The following SEZ6L variants were observed in gnomAD, a reference collection of about 807,000 sequenced individuals.
The protein encoded by SEZ6L is seizure 6-like protein.
In SEZ6L, 37 loss-of-function variants were observed where a neutral mutation model predicts 106.2. The observed-to-expected ratio is 0.35, with a 90% CI of 0.27 to 0.46. The LOEUF (loss-of-function observed/expected upper bound fraction) is 0.46, where lower values mean the gene tolerates loss of function less well. Among genes scored for constraint, SEZ6L ranks in the 20% least tolerant of loss-of-function variants. SEZ6L has a pLI of 1.00. For missense variants in SEZ6L, 1,172 were observed against 1,332.8 expected (o/e 0.88, Z 1.88); for synonymous variants, 541 against 570.4 (o/e 0.95, Z 0.73).
intron 9 of SEZ6L, among the ~76,000 whole-genome samples, chr22:26,318,996 A>G (rs1247917083): frequency 1.3e-5 from 2 of 152,120 alleles, no homozygotes; most frequent in African/African-American, 4.8e-5. Flanking sequence ...TCCACGGTGT[A>G]AATACTCCCA....
At chr22:26,240,055 TACACACATACAGACAC>T (rs1458171595) in intron 1 of SEZ6L, among the ~76,000 whole-genome samples, 2 of 129,658 alleles carry the variant, frequency 1.5e-5, no homozygotes, top group African/African-American at 5.8e-5. Flanking sequence ...AACACACACA[TACACACATACAGACAC>T]ACACACACAC....
rs116875943 is a variant in SEZ6L at position 26,291,699 on chromosome 22, C to T, written c.95-707C>T. Among the ~76,000 whole-genome samples the T allele has an allele frequency of 1.2e-4, 18 of 152,320 alleles. No individual in the cohort carries two copies. In the East Asian group the frequency reaches 3.3e-3, roughly 28 times the overall value. The stretch of plus-strand genomic sequence containing the variant: ...GTGTGGCCTGGTGTCCATCCCCACT[C>T]ATCCTCTTAGCTGCATGTCTTTGTA... On this transcript the variant is annotated intron_variant, in intron 1 of 16. Transcript: ENST00000248933.
chr22:26,238,197 C>T (rs12166576), intron 1 of SEZ6L, among the ~76,000 whole-genome samples: 12,028 of 152,174 alleles, frequency 0.079, 912 homozygotes, highest in African/African-American at 0.19. Flanking sequence ...TAGCTGTGGG[C>T]CCCATGCAGT....
chr22:26,312,004 T>G, intron 8 of SEZ6L, 42 bp downstream of exon 8: 1 of 1,581,132 alleles, frequency 6.3e-7, no homozygotes, highest in Non-Finnish European at 8.7e-7. Flanking sequence ...ACCCCAGGGA[T>G]CTCCACCCTT....
At chr22:26,276,672 G>T (rs987236717) in intron 1 of SEZ6L, among the ~76,000 whole-genome samples, 1 of 152,078 alleles carries the variant, frequency 6.6e-6, no homozygotes, top group Admixed American at 6.5e-5. Flanking sequence ...CTGATTTTTT[G>T]TGTGTGTACA....
Position 26,169,615 on chromosome 22 carries a change from TC to T in SEZ6L, c.-52del. 1.6e-6 allele frequency: 1 copy of T among 625,092 alleles called. No individual in the cohort carries two copies. The allele number at this position is 625,092 out of a possible 1,614,324, so 38.7% of individuals were successfully genotyped here. ...CTCACCGCCGCCCTCCTTCCCCAGC[TC>T]CCTCGCCGTCCGCCCGCCCCACAGC... On this transcript the variant is annotated 5_prime_UTR_variant, in exon 1 of 17. Coordinates refer to ENST00000248933, the MANE Select transcript of SEZ6L (RefSeq NM_021115.5).
At chr22:26,275,109 G>A (rs1355349498) in intron 1 of SEZ6L, among the ~76,000 whole-genome samples, 1 of 152,222 alleles carries the variant, frequency 6.6e-6, no homozygotes, top group African/African-American at 2.4e-5. Flanking sequence ...AGACTGTGCA[G>A]GGTGTGGACA....
chr22:26,280,161 A>G (rs1277755036), intron 1 of SEZ6L, among the ~76,000 whole-genome samples: 1 of 152,164 alleles, frequency 6.6e-6, no homozygotes, highest in Non-Finnish European at 1.5e-5. Context: ...CTTGCTTCAC[A>G]CTGAGTTGTG....
At chr22:26,290,699 A>G (rs1666939244) in intron 1 of SEZ6L, among the ~76,000 whole-genome samples, 2 of 152,168 alleles carry the variant, frequency 1.3e-5, no homozygotes, top group South Asian at 4.1e-4. Flanking sequence ...GAATTACAAG[A>G]AGTTAGCAAG....
At position 26,365,478 on chromosome 22, in the gene SEZ6L, C is replaced by T. The variant is rs146313552; in HGVS notation, c.2706C>T (p.Tyr902=). 4.9e-4 allele frequency: 795 copies of T among 1,614,138 alleles called. 2 individuals carry two copies. The highest frequency in any genetic ancestry group is 6.0e-4 in the Non-Finnish European group (704 of 1,179,976). The change falls in exon 13 of 17, where the codon TAC becomes TAT. Residue 902 remains tyrosine, a synonymous_variant. Coordinates refer to ENST00000248933, the MANE Select transcript of SEZ6L (RefSeq NM_021115.5). ...LPGESLTFMC[Y]EGFELMGEVT... is the part of the protein sequence containing the mutation. The stretch of plus-strand genomic sequence containing the variant: ...GAGAGTCCCTCACCTTCATGTGCTA[C>T]GAAGGCTTTGAGCTCATGGGTGAAG...
intron 1 of SEZ6L, among the ~76,000 whole-genome samples, chr22:26,172,781 T>C (rs1311410140): frequency 5.9e-5 from 9 of 151,490 alleles, no homozygotes; most frequent in Admixed American, 2.6e-4. Context: ...TTGGTCACCC[T>C]TGACACACGC....
chr22:26,174,042 G>A (rs546750064), intron 1 of SEZ6L, among the ~76,000 whole-genome samples: 5 of 152,322 alleles, frequency 3.3e-5, no homozygotes, highest in African/African-American at 9.6e-5. Flanking sequence ...TTTGGGTGCT[G>A]GAGTACTATA....
intron 9 of SEZ6L, among the ~76,000 whole-genome samples, chr22:26,319,531 C>A (rs1416720557): frequency 6.6e-6 from 1 of 152,206 alleles, no homozygotes; most frequent in East Asian, 1.9e-4. Flanking sequence ...TATTAGCCTT[C>A]TTGCCATTCC....
intron 1 of SEZ6L, among the ~76,000 whole-genome samples, chr22:26,209,911 G>GGGAGAGAGGAAGGAAGGAAAGAAA (rs1183676093): frequency 7.1e-6 from 1 of 140,498 alleles, no homozygotes; most frequent in Non-Finnish European, 1.5e-5. Context: ...AAGGAAAGAA[G>GGGAGAGAGGAAGGAAGGAAAGAAA]GAGGAAATAT....
chr22:26,209,571 GAAGA>G (rs1323249420), intron 1 of SEZ6L, among the ~76,000 whole-genome samples: 2 of 147,856 alleles, frequency 1.4e-5, no homozygotes, highest in Non-Finnish European at 3.0e-5. Context: ...GAGAAGGAAG[GAAGA>G]AAGATGGATA....
rs2081839314 is a variant in SEZ6L at position 26,311,747 on chromosome 22, G to A, written c.1682-21G>A. On this transcript the variant is annotated intron_variant, in intron 7 of 16. Coordinates refer to ENST00000248933, the MANE Select transcript of SEZ6L (RefSeq NM_021115.5). Reference sequence around the variant, plus strand: ...TAGTCCCTGCATCATCTGAACTGCTGCCTCTCTTTCCCTTCCTCAGCGTTT... The same window carrying A: ...TAGTCCCTGCATCATCTGAACTGCTACCTCTCTTTCCCTTCCTCAGCGTTT... 10 of 1,608,610 alleles carry A rather than the reference G, an allele frequency of 6.2e-6. 1 individual carries two copies. In the Admixed American group the frequency reaches 1.5e-4, roughly 24 times the overall value.
chr22:26,305,686 C>T (rs937814311), intron 5 of SEZ6L, among the ~76,000 whole-genome samples: 1 of 152,174 alleles, frequency 6.6e-6, no homozygotes, highest in African/African-American at 2.4e-5. Context: ...CGTTAAATTG[C>T]AGTCATTCCC....
intron 9 of SEZ6L, among the ~76,000 whole-genome samples, chr22:26,325,484 G>A (rs1008885128): frequency 3.3e-5 from 5 of 152,206 alleles, no homozygotes; most frequent in African/African-American, 1.2e-4. Flanking sequence ...GGAAGAATAA[G>A]AGACAAGATT....
intron 1 of SEZ6L, among the ~76,000 whole-genome samples, chr22:26,199,880 T>C (rs757258351): frequency 6.6e-6 from 1 of 152,194 alleles, no homozygotes; most frequent in Non-Finnish European, 1.5e-5. Context: ...CCAGTGAGTC[T>C]CATACATCTC....
Sources: gnomAD v4.1 joint callset for allele counts (sites outside exome capture counted in the v4.1 genomes callset) on GRCh38, gnomAD v4.1.1 for gene constraint, MANE v1.5 for transcripts, NCBI Gene and HGNC (gene_info 2026-07-23, HGNC 2026-07-21) for gene names.